Variants in KLF8 observed in about 807,000 individuals in gnomAD.
The protein encoded by KLF8 is Krueppel-like factor 8.
In KLF8, 10 loss-of-function variants were observed where a neutral mutation model predicts 18.2. The ratio of observed to expected loss-of-function variants is 0.55; its 90% CI spans 0.34 to 0.93. The LOEUF (loss-of-function observed/expected upper bound fraction) is 0.93, where lower values mean the gene tolerates loss of function less well. KLF8 is among the 40% of genes least tolerant of loss of function. The probability of loss-of-function intolerance (pLI) is 0.02; values close to 1 mark genes in which losing one functional copy is unlikely to be tolerated. For synonymous variants in KLF8, 109 were observed against 97.3 expected (o/e 1.12, Z -0.71); for missense variants, 264 against 277.9 (o/e 0.95, Z 0.36).
chrX:56,037,467 A>G, the KLF8 span, among the ~76,000 whole-genome samples: 1 of 111,229 alleles, frequency 9.0e-6, no homozygotes, highest in South Asian at 3.7e-4. Context: ...AATTTTTTAG[A>G]AATAGTTTGA....
At chrX:56,144,475 C>T in the KLF8 span, among the ~76,000 whole-genome samples, 1 of 109,373 alleles carries the variant, frequency 9.1e-6, no homozygotes, top group South Asian at 4.0e-4. Context: ...TTCGGCTGGG[C>T]GCGGTGGCTC....
the KLF8 span, among the ~76,000 whole-genome samples, chrX:56,186,894 A>G: frequency 8.9e-6 from 1 of 112,236 alleles, no homozygotes; most frequent in Non-Finnish European, 1.9e-5. Context: ...AAGGAAATTT[A>G]TAGCACTAAA....
chrX:55,986,945 G>A, the KLF8 span, among the ~76,000 whole-genome samples: 12 of 111,308 alleles, frequency 1.1e-4, no homozygotes, highest in Non-Finnish European at 5.7e-5. Flanking sequence ...TTTCTGCAAG[G>A]GGCATGATTT....
At chrX:56,136,981 G>A in the KLF8 span, among the ~76,000 whole-genome samples, 171 of 112,235 alleles carry the variant, frequency 1.5e-3, 3 homozygotes, top group East Asian at 0.029. Context: ...AGACATTTAT[G>A]CAGCCAAAAA....
the KLF8 span, among the ~76,000 whole-genome samples, chrX:55,942,389 G>C: frequency 9.1e-6 from 1 of 110,108 alleles, no homozygotes; most frequent in Non-Finnish European, 1.9e-5. Flanking sequence ...TGGTGGGGTG[G>C]AATAGCATTA....
the KLF8 span, among the ~76,000 whole-genome samples, chrX:55,940,962 T>G: frequency 5.4e-5 from 6 of 111,726 alleles, no homozygotes; most frequent in Admixed American, 4.8e-4. Context: ...AGGTAATTTA[T>G]AGATTCAATG....
chrX:56,118,336 G>A, the KLF8 span, among the ~76,000 whole-genome samples: 13,272 of 111,053 alleles, frequency 0.12, 1,516 homozygotes, highest in African/African-American at 0.36. Flanking sequence ...GTTAATATGC[G>A]CTATGAGAAT....
At chrX:56,236,968 T>C (rs2066483339) in intron 1 of KLF8, among the ~76,000 whole-genome samples, 1 of 105,499 alleles carries the variant, frequency 9.5e-6, no homozygotes, top group African/African-American at 3.5e-5. Context: ...GATGGATATA[T>C]ATATATATAT....
the KLF8 span, among the ~76,000 whole-genome samples, chrX:56,105,612 C>A: frequency 1.4e-4 from 15 of 107,592 alleles, no homozygotes; most frequent in Admixed American, 6.0e-4. Flanking sequence ...TCTCTGCATG[C>A]GAGATGGGTC....
chrX:56,133,987 A>G, the KLF8 span, among the ~76,000 whole-genome samples: 1 of 111,210 alleles, frequency 9.0e-6, no homozygotes, highest in African/African-American at 3.3e-5. Context: ...CAAGAAAACT[A>G]CAAAACACTG....
chrX:56,176,324 C>A, the KLF8 span, among the ~76,000 whole-genome samples: 1 of 111,565 alleles, frequency 9.0e-6, no homozygotes, highest in East Asian at 2.8e-4. Context: ...TCAGCATTTG[C>A]TTGTCTGTAA....
rs748515007 is a variant in KLF8, at chrX:56,240,051, C to T, written c.7+6710C>T. Among the ~76,000 whole-genome samples, 3 of 112,036 alleles carry T rather than the reference C, an allele frequency of 2.7e-5. No individual in the cohort carries two copies. The South Asian group carries it at 1.1e-3, about 41-fold the overall frequency. On this transcript the variant is annotated intron_variant, in intron 1 of 5. Transcript: ENST00000468660. Reference sequence around the variant, plus strand: ...TTGTTTCATCTTCAGTTAGAATGGGCGGGGATGTGATGTGAATATATTTAT... The same window carrying T: ...TTGTTTCATCTTCAGTTAGAATGGGTGGGGATGTGATGTGAATATATTTAT...
chrX:56,099,864 A>G, the KLF8 span, among the ~76,000 whole-genome samples: 3 of 112,457 alleles, frequency 2.7e-5, no homozygotes, highest in African/African-American at 9.7e-5. Flanking sequence ...CCATTTCCAT[A>G]ACATAAAAGT....
the KLF8 span, among the ~76,000 whole-genome samples, chrX:55,925,195 G>A: frequency 1.6e-5 from 1 of 64,337 alleles, no homozygotes; most frequent in Non-Finnish European, 2.9e-5. Context: ...TTTTTTTTTA[G>A]CAACTTTTGT....
chrX:56,258,144 G>A (rs1378440141), intron 2 of KLF8, among the ~76,000 whole-genome samples: 1 of 112,671 alleles, frequency 8.9e-6, no homozygotes, highest in African/African-American at 3.2e-5. Context: ...ACTTCTGCCT[G>A]TTGCTAGAGC....
chrX:56,273,586 T>C (rs1470915429), intron 5 of KLF8, among the ~76,000 whole-genome samples: 2 of 111,223 alleles, frequency 1.8e-5, no homozygotes, highest in Non-Finnish European at 3.8e-5. Context: ...CATGTGAAGT[T>C]TGTCATTTTG....
chrX:56,069,805 G>T, the KLF8 span, among the ~76,000 whole-genome samples: 1 of 111,634 alleles, frequency 9.0e-6, no homozygotes, highest in South Asian at 3.8e-4. Context: ...CCAGCTTCCT[G>T]CCCAGCGGTC....
chrX:55,954,347 G>A, the KLF8 span, among the ~76,000 whole-genome samples: 1 of 111,425 alleles, frequency 9.0e-6, no homozygotes, highest in Non-Finnish European at 1.9e-5. Context: ...TCCTGATCCT[G>A]TATATTAAAA....
At chrX:56,191,216 G>A in the KLF8 span, among the ~76,000 whole-genome samples, 2 of 111,576 alleles carry the variant, frequency 1.8e-5, no homozygotes, top group East Asian at 2.8e-4. Flanking sequence ...TAAATGAAAA[G>A]GATAAATTGC....
Sources: allele counts gnomAD v4.1 joint callset (sites outside exome capture counted in the v4.1 genomes callset), GRCh38; gene constraint gnomAD v4.1.1; transcripts MANE v1.5; gene names NCBI Gene and HGNC (gene_info 2026-07-23, HGNC 2026-07-21).